The following TPR variants were observed in gnomAD, a reference collection of about 807,000 sequenced individuals.
TPR encodes translocated promoter region, nuclear basket protein, also known as nucleoprotein TPR.
In TPR, 51 loss-of-function variants were observed where a neutral mutation model predicts 316.1. The observed-to-expected ratio is 0.16, with a 90% CI of 0.13 to 0.20. The LOEUF (loss-of-function observed/expected upper bound fraction) is 0.20. Ranked by LOEUF, TPR falls within the 10% of genes least tolerant of loss-of-function variation. TPR has a pLI of 1.00. For synonymous variants in TPR, 981 were observed against 914.7 expected (o/e 1.07, Z -1.31); for missense variants, 2,272 against 2,754.8 (o/e 0.82, Z 3.92).
intron 22 of TPR, 79 bp from the exon 23 acceptor site, chr1:186,346,366 T>A: frequency 7.4e-7 from 1 of 1,350,370 alleles, no homozygotes; most frequent in Non-Finnish European, 9.9e-7. Flanking sequence ...AAATCAAAAC[T>A]AATTTGAGAA....
chr1:186,360,863 G>A lies in TPR; in HGVS notation c.1001C>T (p.Ser334Phe). 1 of 1,612,604 alleles carries A rather than the reference G, an allele frequency of 6.2e-7. No homozygotes were observed. Among genetic ancestry groups the A allele is most frequent in the Non-Finnish European group, 8.5e-7 (1 of 1,179,146 alleles). The change falls in exon 10 of 51, where the codon TCC becomes TTC. Residue 334 changes from serine (S) to phenylalanine (F), a missense_variant. Physicochemically the swap from Ser to Phe is radical, Grantham distance 155. Coordinates refer to ENST00000367478, the MANE Select transcript of TPR (RefSeq NM_003292.3). Reference sequence around the variant, plus strand: ...CATTTCTTTTTCCATTTGATCTTTGGATTGCTCCACCTCTAGAAGATGATC... The same window carrying A: ...CATTTCTTTTTCCATTTGATCTTTGAATTGCTCCACCTCTAGAAGATGATC... ...IQDHLLEVEQ[S>F]KDQMEKEMLE...
chr1:186,334,977 CA>C, intron 35 of TPR, 90 bp downstream of exon 35: 1 of 1,308,922 alleles, frequency 7.6e-7, no homozygotes, highest in Non-Finnish European at 1.1e-6. Flanking sequence ...CAATAGAATA[CA>C]CAGATTTCTT....
At chr1:186,362,055 A>T (rs1659208441) in intron 7 of TPR, among the ~76,000 whole-genome samples, 186 bp from the exon 8 acceptor site, 1 of 152,036 alleles carries the variant, frequency 6.6e-6, no homozygotes, top group South Asian at 2.1e-4. Flanking sequence ...AATTCAAAGT[A>T]AAATAATTAA....
intron 10 of TPR, 125 bp downstream of exon 10, chr1:186,360,640 A>C: frequency 7.9e-7 from 1 of 1,271,508 alleles, no homozygotes; most frequent in Non-Finnish European, 1.1e-6. Context: ...AAATTCTATT[A>C]ATATAACTCG....
Position 186,344,529 on chromosome 1 carries a change from A to T in TPR, c.3263T>A (p.Leu1088Gln). Residue 1088 changes from leucine to glutamine, a missense_variant, in exon 25 of 51, where the codon CTG (leucine) becomes CAG (glutamine). Around this residue, in one of 10 missense-constraint regions of TPR, gnomAD observed 757 missense variants for 859.8 expected, o/e 0.88. Coordinates refer to ENST00000367478, the MANE Select transcript of TPR (RefSeq NM_003292.3). The stretch of plus-strand genomic sequence containing the variant: ...TAGAGCTTCAACATCAGCAGCATGC[A>T]GCATCAATTCTCTCTCATACTTATT... ...AQNKYERELM[L>Q]HAADVEALQA... 1.2e-6 allele frequency: 2 copies of T among 1,611,724 alleles called. No homozygotes were observed. The highest frequency in any genetic ancestry group is 1.7e-6 in the Non-Finnish European group (2 of 1,179,122).
intron 33 of TPR, among the ~76,000 whole-genome samples, 173 bp from the exon 34 acceptor site, chr1:186,335,716 T>C (rs1394246389): frequency 1.3e-5 from 2 of 152,132 alleles, no homozygotes; most frequent in Non-Finnish European, 2.9e-5. Context: ...ATGCTTTAAC[T>C]TATTACTAGA....
At chr1:186,352,913 A>G (rs1315509448) in intron 18 of TPR, among the ~76,000 whole-genome samples, 1 of 152,252 alleles carries the variant, frequency 6.6e-6, no homozygotes, top group African/African-American at 2.4e-5. Flanking sequence ...AGATAACTGA[A>G]TAACAAAGAA....
chr1:186,315,394 C>T (rs1314158119), intron 49 of TPR, among the ~76,000 whole-genome samples: 2 of 152,086 alleles, frequency 1.3e-5, no homozygotes, highest in African/African-American at 2.4e-5. Context: ...AAACAGCCTA[C>T]AACAGAACAC....
chr1:186,336,187 G>A (rs114232062), intron 33 of TPR, among the ~76,000 whole-genome samples: 1 of 152,052 alleles, frequency 6.6e-6, no homozygotes, highest in Non-Finnish European at 1.5e-5. Context: ...TAGACAGCAC[G>A]GTCTGGGCTC....
Position 186,325,845 on chromosome 1 carries a change from C to A in TPR, c.6031G>T (p.Gly2011Trp). ...TCTGTTTCTGTACCTGGATCAGTCCCATCACCACCCTAAAAACAAAACGTG... is the reference window on the plus strand; with the variant it reads ...TCTGTTTCTGTACCTGGATCAGTCCAATCACCACCCTAAAAACAAAACGTG... Reference protein sequence around the residue: ...YEADDAEGGDGTDPGTETEES... With the variant: ...YEADDAEGGDWTDPGTETEES... Residue 2011 changes from glycine to tryptophan, a missense_variant, in exon 42 of 51, where the codon GGG becomes TGG. Physicochemically the swap from Gly to Trp is radical, Grantham distance 184. Coordinates refer to ENST00000367478, the MANE Select transcript of TPR (RefSeq NM_003292.3). 1 of 1,613,178 alleles carries A rather than the reference C, an allele frequency of 6.2e-7. No individual in the cohort carries two copies. Among genetic ancestry groups the A allele is most frequent in the Non-Finnish European group, 8.5e-7 (1 of 1,179,634 alleles).
intron 4 of TPR, among the ~76,000 whole-genome samples, chr1:186,367,065 T>C (rs1230593150): frequency 4.2e-4 from 58 of 139,156 alleles, no homozygotes; most frequent in African/African-American, 1.5e-3. Context: ...AACACCTTTT[T>C]TTTTTTTTTT....
intron 20 of TPR, 33 bp downstream of exon 20, chr1:186,351,297 C>T (rs535385400): frequency 1.2e-5 from 19 of 1,575,974 alleles, no homozygotes; most frequent in Non-Finnish European, 1.5e-5. Flanking sequence ...AACATAAACA[C>T]CCTACAGAAA....
chr1:186,326,306 CACACTT>C lies in TPR; in HGVS notation c.5890-77_5890-72del, dbSNP rs1384419300. 2.0e-6 allele frequency: 3 copies of C among 1,533,424 alleles called. No homozygotes were observed. In the African/African-American group the frequency reaches 4.1e-5, roughly 21 times the overall value. 95.0% of individuals were successfully genotyped at this position (1,533,424 alleles called of 1,614,324 possible). On this transcript the variant is annotated intron_variant, in intron 40 of 50. Transcript: ENST00000367478. Reference sequence around the variant, plus strand: ...CCACATGCTCTGCATGTCTAGATACCACACTTAGAAATTTAAGTGACTCATTAATCA... The same window carrying C: ...CCACATGCTCTGCATGTCTAGATACCAGAAATTTAAGTGACTCATTAATCA...
At chr1:186,371,181 C>A in intron 2 of TPR, 138 bp from the exon 3 acceptor site, 3 of 663,662 alleles carry the variant, frequency 4.5e-6, no homozygotes, top group South Asian at 4.1e-5. Flanking sequence ...ACATCACATT[C>A]CAAATTCATG....
Position 186,314,618 on chromosome 1 carries a change from C to A in TPR, c.7036+11G>T, listed in dbSNP as rs1657533500. ...ATTCTATCATGTAATCCAGTTATGT[C>A]AGAAATTCACCTCTCTGTCTGTTAA... On this transcript the variant is annotated intron_variant, in intron 50 of 50. Transcript: ENST00000367478. 1.9e-6 allele frequency: 3 copies of A among 1,596,346 alleles called. No individual in the cohort carries two copies. Among genetic ancestry groups the A allele is most frequent in the South Asian group, 2.3e-5 (2 of 88,356 alleles).
At position 186,356,412 on chromosome 1, in the gene TPR, T is replaced by C. The variant is rs1193183539; in HGVS notation, c.1762A>G (p.Thr588Ala). 1.2e-6 allele frequency: 2 copies of C among 1,613,258 alleles called. No individual in the cohort carries two copies. Among genetic ancestry groups the C allele is most frequent in the Non-Finnish European group, 1.7e-6 (2 of 1,179,426 alleles). Residue 588 changes from threonine to alanine, a missense_variant, in exon 15 of 51, where the codon ACT becomes GCT. Thr to Ala is a moderately conservative substitution (Grantham distance 58). Around this residue, in one of 10 missense-constraint regions of TPR, gnomAD observed 757 missense variants for 859.8 expected, o/e 0.88. Coordinates refer to ENST00000367478, the MANE Select transcript of TPR (RefSeq NM_003292.3). ...GATTTGCGGAGTTGTTCTAGTTCAGTAAGGGCACTCTCAAGTTTGAGCTGA... is the reference window on the plus strand; with the variant it reads ...GATTTGCGGAGTTGTTCTAGTTCAGCAAGGGCACTCTCAAGTTTGAGCTGA... ...ELQLKLESAL[T>A]ELEQLRKSRQ...
At chr1:186,329,482 GTATACACACAGCCTGAAGTT>G (rs1250535770) in intron 39 of TPR, among the ~76,000 whole-genome samples, 7 of 152,056 alleles carry the variant, frequency 4.6e-5, no homozygotes, top group Admixed American at 3.3e-4. Context: ...ATACAAAGGT[GTATACACACAGCCTGAAGTT>G]TATACACACA....
rs1438559356 is a variant in TPR at position 186,353,816 on chromosome 1, G to A, written c.2206C>T (p.Arg736Cys). The change falls in exon 18 of 51, where the codon CGT (arginine) becomes TGT (cysteine). Residue 736 changes from arginine to cysteine, a missense_variant. Physicochemically the swap from Arg to Cys is radical, Grantham distance 180. Coordinates refer to ENST00000367478, the MANE Select transcript of TPR (RefSeq NM_003292.3). Reference sequence around the variant, plus strand: ...TCATGAAGTGATGTTATTTCTCGACGATATCCTTCAACATTATCTTGCAGC... The same window carrying A: ...TCATGAAGTGATGTTATTTCTCGACAATATCCTTCAACATTATCTTGCAGC... ...EMLQDNVEGY[R>C]REITSLHERN... 1 of 1,613,804 alleles carries A rather than the reference G, an allele frequency of 6.2e-7. No individual in the cohort carries two copies.
intron 6 of TPR, 57 bp from the exon 7 acceptor site, chr1:186,362,437 G>T: frequency 7.3e-7 from 1 of 1,375,550 alleles, no homozygotes; most frequent in South Asian, 1.2e-5. Context: ...AAATTACTCT[G>T]ACATGAGGTT....
Sources: gnomAD v4.1 joint callset for allele counts (sites outside exome capture counted in the v4.1 genomes callset) on GRCh38, gnomAD v4.1.1 for gene constraint, gnomAD v4.1.1 regional missense constraint, MANE v1.5 for transcripts, NCBI Gene and HGNC (gene_info 2026-07-23, HGNC 2026-07-21) for gene names.